Variants in CATSPERE observed in about 807,000 individuals in gnomAD.
CATSPERE encodes the protein cation channel sperm-associated auxiliary subunit epsilon.
In CATSPERE, 93 loss-of-function variants were observed where a neutral mutation model predicts 114.1. The ratio of observed to expected loss-of-function variants is 0.81; its 90% CI spans 0.69 to 0.97. The LOEUF is 0.97. Among genes scored for constraint, CATSPERE ranks in the 50% least tolerant of loss-of-function variants. The probability of loss-of-function intolerance (pLI) is 0.00; values close to 1 mark genes in which losing one functional copy is unlikely to be tolerated. For missense variants in CATSPERE, 1,058 were observed against 1,131.6 expected, an observed-to-expected ratio of 0.93 and a Z score of 0.93; for synonymous variants, 341 against 384.1, an observed-to-expected ratio of 0.89 and a Z score of 1.31.
chr1:244,611,360 C>T (rs993893375), intron 19 of CATSPERE, among the ~76,000 whole-genome samples: 2 of 151,916 alleles, frequency 1.3e-5, no homozygotes, highest in Non-Finnish European at 2.9e-5. Context: ...GAGGCCGAGG[C>T]GTGTGGATCA....
At position 244,552,442 on chromosome 1, in the gene CATSPERE, G is replaced by A; in HGVS notation, c.657G>A (p.Leu219=). ...TTCTTATTCTGTTGACTTTTCCTTT[G>A]TTGACCATACCTGAAATTCCTGGTT... ...ADFLILLTFP[L]LTIPEIPGYL... Residue 219 remains leucine (L), a synonymous_variant, in exon 9 of 22, where the codon TTG becomes TTA. Transcript: ENST00000366534. 4 of 1,614,116 alleles carry A rather than the reference G, an allele frequency of 2.5e-6. No homozygotes were observed. The South Asian group carries it at 4.4e-5, about 18-fold the overall frequency.
chr1:244,609,047 G>A (rs1369681690), intron 18 of CATSPERE, among the ~76,000 whole-genome samples: 1 of 151,904 alleles, frequency 6.6e-6, no homozygotes, highest in African/African-American at 2.4e-5. Context: ...TTAGTTGGGT[G>A]TGGTAGCACA....
chr1:244,477,042 C>A (rs1227726644), intron 2 of CATSPERE, among the ~76,000 whole-genome samples: 3 of 152,142 alleles, frequency 2.0e-5, no homozygotes, highest in African/African-American at 7.2e-5. Flanking sequence ...GTCTCCCAGG[C>A]TGGAGTACAA....
chr1:244,629,603 G>C (rs1202624645), intron 20 of CATSPERE, among the ~76,000 whole-genome samples: 1 of 150,064 alleles, frequency 6.7e-6, no homozygotes, highest in African/African-American at 2.5e-5. Context: ...CAAAGTGCTG[G>C]GATTACAGGT....
intron 13 of CATSPERE, among the ~76,000 whole-genome samples, chr1:244,585,483 G>T (rs1004576127): frequency 6.6e-6 from 1 of 152,190 alleles, no homozygotes; most frequent in African/African-American, 2.4e-5. Context: ...AAATGTGGCC[G>T]TGTAGAGGCA....
At chr1:244,629,208 G>A (rs1369193343) in intron 20 of CATSPERE, among the ~76,000 whole-genome samples, 1 of 152,134 alleles carries the variant, frequency 6.6e-6, no homozygotes, top group African/African-American at 2.4e-5. Flanking sequence ...GACATATCAA[G>A]CACCTTTAGA....
At chr1:244,465,060 G>T (rs1244721970) in intron 2 of CATSPERE, among the ~76,000 whole-genome samples, 4 of 148,092 alleles carry the variant, frequency 2.7e-5, no homozygotes, top group Non-Finnish European at 5.9e-5. Flanking sequence ...TTTGGAGACA[G>T]AGTCTCACTC....
chr1:244,625,990 G>T (rs1474311951), intron 20 of CATSPERE, among the ~76,000 whole-genome samples: 1 of 152,016 alleles, frequency 6.6e-6, no homozygotes, highest in East Asian at 1.9e-4. Context: ...CAGATATGCT[G>T]TCATCCAAGC....
chr1:244,578,522 C>T (rs1209549274), intron 11 of CATSPERE, among the ~76,000 whole-genome samples: 3 of 152,032 alleles, frequency 2.0e-5, no homozygotes, highest in African/African-American at 7.2e-5. Context: ...CTAACCTAAA[C>T]AGCCTATTAA....
At chr1:244,489,488 A>G (rs1671616743) in intron 5 of CATSPERE, among the ~76,000 whole-genome samples, 1 of 114,740 alleles carries the variant, frequency 8.7e-6, no homozygotes, top group Admixed American at 1.0e-4. Flanking sequence ...TTTTGGTGGA[A>G]AGAAAGAGGT....
At chr1:244,469,970 G>A (rs140144332) in intron 2 of CATSPERE, among the ~76,000 whole-genome samples, 4 of 151,982 alleles carry the variant, frequency 2.6e-5, no homozygotes, top group South Asian at 2.1e-4. Context: ...GAAAAAGAAC[G>A]GTACTGAAAC....
At chr1:244,465,134 C>T (rs1218688798) in intron 2 of CATSPERE, among the ~76,000 whole-genome samples, 2 of 151,656 alleles carry the variant, frequency 1.3e-5, no homozygotes, top group Admixed American at 1.3e-4. Context: ...CTCCCGGGTT[C>T]AAGCGATTCT....
intron 5 of CATSPERE, among the ~76,000 whole-genome samples, chr1:244,488,998 T>C (rs1462402143): frequency 2.6e-5 from 4 of 152,192 alleles, no homozygotes; most frequent in Non-Finnish European, 5.9e-5. Context: ...AATCAGCAAA[T>C]GGAAGGACAT....
At chr1:244,546,260 G>A (rs1659737412) in intron 8 of CATSPERE, among the ~76,000 whole-genome samples, 1 of 152,178 alleles carries the variant, frequency 6.6e-6, no homozygotes, top group East Asian at 1.9e-4. Context: ...GTGCCCCCCA[G>A]TGTTTCAGTG....
At chr1:244,498,291 A>T (rs1488671379) in intron 6 of CATSPERE, among the ~76,000 whole-genome samples, 1 of 152,210 alleles carries the variant, frequency 6.6e-6, no homozygotes, top group East Asian at 1.9e-4. Context: ...AAGGGATGAA[A>T]ATAATATATC....
intron 5 of CATSPERE, among the ~76,000 whole-genome samples, chr1:244,487,678 A>G (rs1460695665): frequency 6.6e-6 from 1 of 152,104 alleles, no homozygotes; most frequent in Non-Finnish European, 1.5e-5. Context: ...TCAAAGACAG[A>G]AGCAGCTTGT....
chr1:244,474,648 A>G (rs1340929285), intron 2 of CATSPERE, among the ~76,000 whole-genome samples: 2 of 150,556 alleles, frequency 1.3e-5, no homozygotes, highest in African/African-American at 4.9e-5. Flanking sequence ...GGATATATGT[A>G]TATTGGATTT....
rs574544793 is a variant in CATSPERE, at chr1:244,611,781, A to G, written c.2490+1455A>G. On this transcript the variant is annotated intron_variant, in intron 19 of 21. Transcript: ENST00000366534. ...CAAATCTTACAAAAGGCACCTAAATATTCTAAGATTCTGCCGAAATAACAT... is the reference window on the plus strand; with the variant it reads ...CAAATCTTACAAAAGGCACCTAAATGTTCTAAGATTCTGCCGAAATAACAT... 1.8e-4 allele frequency among the ~76,000 whole-genome samples: 28 copies of G among 152,272 alleles called. 1 individual carries two copies. Among genetic ancestry groups the G allele is most frequent in the African/African-American group, 6.7e-4 (28 of 41,552 alleles).
intron 8 of CATSPERE, among the ~76,000 whole-genome samples, chr1:244,537,493 A>T (rs1680554293): frequency 6.6e-6 from 1 of 152,230 alleles, no homozygotes; most frequent in Admixed American, 6.5e-5. Context: ...CTGGCTTCAT[A>T]GAATGAGTTG....
Sources: allele counts gnomAD v4.1 joint callset (sites outside exome capture counted in the v4.1 genomes callset), GRCh38; gene constraint gnomAD v4.1.1; transcripts MANE v1.5; gene names NCBI Gene and HGNC (gene_info 2026-07-23, HGNC 2026-07-21).